Variants in ZNF112 observed in about 807,000 individuals in gnomAD.
The protein encoded by ZNF112 is zinc finger protein 112.
A neutral mutation model predicts 77.7 loss-of-function variants in ZNF112; 37 were observed. The ratio of observed to expected loss-of-function variants is 0.48; its 90% CI spans 0.37 to 0.63. The LOEUF (loss-of-function observed/expected upper bound fraction) is 0.63, where lower values mean the gene tolerates loss of function less well. Among genes scored for constraint, ZNF112 ranks in the 20% least tolerant of loss-of-function variants. The pLI is 0.00. For synonymous variants in ZNF112, 333 were observed against 363.6 expected, an observed-to-expected ratio of 0.92 and a Z score of 0.96; for missense variants, 950 against 1,077.4, an observed-to-expected ratio of 0.88 and a Z score of 1.66.
In ZNF112 at chr19:44,328,005, C is replaced by A; in HGVS notation, c.2152G>T (p.Glu718Ter). Reference protein sequence around the residue: ...VHSGERPYICEVCGKGFSQRA... With the variant: ...VHSGERPYIC ...TGACTGAAGCCCTTTCCACATACCT[C>A]ACATATATATGGTCTTTCTCCAGAA... The change falls in exon 4 of 4, where the codon GAG becomes TAG. Residue 718 changes from glutamate to a stop codon, truncating the protein, a stop_gained. Coordinates refer to ENST00000354340, the MANE Select transcript of ZNF112 (RefSeq NM_013380.4). LOFTEE classifies it high-confidence loss of function. The A allele has an allele frequency of 6.2e-7, 1 of 1,613,948 alleles. No homozygotes were observed. Among genetic ancestry groups the A allele is most frequent in the Non-Finnish European group, 8.5e-7 (1 of 1,179,974 alleles).
intron 1 of ZNF112, among the ~76,000 whole-genome samples, chr19:44,342,834 AAAAAG>A (rs899573833): frequency 6.3e-4 from 96 of 151,886 alleles, no homozygotes; most frequent in African/African-American, 2.2e-3. Context: ...AAAGAAAAAG[AAAAAG>A]AAAAGGGGGA....
chr19:44,338,401 A>C (rs1970427993), intron 2 of ZNF112, among the ~76,000 whole-genome samples: 1 of 152,212 alleles, frequency 6.6e-6, no homozygotes, highest in Non-Finnish European at 1.5e-5. Context: ...CCCGATGATT[A>C]CAAATGGGGA....
intron 1 of ZNF112, among the ~76,000 whole-genome samples, chr19:44,347,900 T>C (rs1599931470): frequency 1.3e-5 from 2 of 152,290 alleles, no homozygotes; most frequent in East Asian, 1.9e-4. Context: ...AAGAACTTCC[T>C]TTAGTGCTCC....
chr19:44,328,841 G>A lies in ZNF112; in HGVS notation c.1316C>T (p.Ser439Phe). The change falls in exon 4 of 4, where the codon TCT becomes TTT. Residue 439 changes from serine (S) to phenylalanine (F), a missense_variant. Ser to Phe is a radical substitution (Grantham distance 155). Coordinates refer to ENST00000354340, the MANE Select transcript of ZNF112 (RefSeq NM_013380.4). ...ACTGAAGCCATTACCACACTCCTCAGAATTATATGAATTCTCTTCCATATG... is the reference window on the plus strand; with the variant it reads ...ACTGAAGCCATTACCACACTCCTCAAAATTATATGAATTCTCTTCCATATG... ...RVHMEENSYN[S>F]EECGNGFSLA... 6.2e-7 allele frequency: 1 copy of A among 1,613,962 alleles called. No individual in the cohort carries two copies. Among genetic ancestry groups the A allele is most frequent in the Non-Finnish European group, 8.5e-7 (1 of 1,179,936 alleles).
At chr19:44,330,375 C>A (rs1219195080) in intron 3 of ZNF112, among the ~76,000 whole-genome samples, 5 of 152,174 alleles carry the variant, frequency 3.3e-5, no homozygotes, top group African/African-American at 1.2e-4. Context: ...TCTGATGCCT[C>A]AAAATCAGGA....
chr19:44,329,446 T>C lies in ZNF112; in HGVS notation c.711A>G (p.Val237=), dbSNP rs1970221875. The part of the protein sequence containing the change: ...CHDCGEDIMK[V]SLLNQESIQT... ...GAATTGACTCCTGATTAAGTAATGA[T>C]ACCTTCATGATATCTTCTCCACAGT... The change falls in exon 4 of 4, where the codon GTA becomes GTG. Residue 237 remains valine (V), a synonymous_variant. Transcript: ENST00000354340. The C allele has an allele frequency of 1.9e-6, 3 of 1,614,090 alleles. No individual in the cohort carries two copies. Among genetic ancestry groups the C allele is most frequent in the South Asian group, 1.1e-5 (1 of 91,082 alleles).
At chr19:44,363,758 T>G (rs1275600585) in intron 1 of ZNF112, among the ~76,000 whole-genome samples, 1 of 152,256 alleles carries the variant, frequency 6.6e-6, no homozygotes, top group African/African-American at 2.4e-5. Flanking sequence ...TGTGCTTTCT[T>G]TTCTCTGGAA....
intron 1 of ZNF112, among the ~76,000 whole-genome samples, chr19:44,347,366 C>A (rs1970609657): frequency 6.6e-6 from 1 of 151,908 alleles, no homozygotes; most frequent in South Asian, 2.1e-4. Flanking sequence ...AGGCCATTAG[C>A]ATTTCCTATA....
chr19:44,351,055 C>A (rs1311862947), intron 1 of ZNF112, among the ~76,000 whole-genome samples: 1 of 151,928 alleles, frequency 6.6e-6, no homozygotes. Flanking sequence ...GGGCTGGTTG[C>A]TTCTCATAGG....
intron 1 of ZNF112, among the ~76,000 whole-genome samples, chr19:44,353,421 C>T (rs529775079): frequency 6.6e-6 from 1 of 152,080 alleles, no homozygotes; most frequent in South Asian, 2.1e-4. Context: ...AAATTTTGTT[C>T]TGCAAAAGAC....
At chr19:44,357,737 C>T (rs1330537402), upstream of ZNF112, among the ~76,000 whole-genome samples, 1 of 152,126 alleles carries the variant, frequency 6.6e-6, no homozygotes, top group East Asian at 1.9e-4. Context: ...GGATAAGTCT[C>T]TTGTAAAACC....
chr19:44,347,233 C>A (rs991382474), intron 1 of ZNF112, among the ~76,000 whole-genome samples: 2 of 152,080 alleles, frequency 1.3e-5, no homozygotes, highest in African/African-American at 4.8e-5. Flanking sequence ...TAGTACAGCT[C>A]CTTTTCACTT....
chr19:44,343,447 T>C, intron 1 of ZNF112: 1 of 638,074 alleles, frequency 1.6e-6, no homozygotes, highest in South Asian at 2.1e-5. Flanking sequence ...GGTTGGATTC[T>C]AGCTACCACT....
In ZNF112 at chr19:44,327,826, T is replaced by C; in HGVS notation, c.2331A>G (p.Thr777=). Residue 777 remains threonine (T), a synonymous_variant, in exon 4 of 4, where the codon ACA becomes ACG. Transcript: ENST00000354340. ...GGKPYKCEVC[T]KGFSESSRLQ... ...GGCGTGAACTCTCACTGAAACCCTT[T>C]GTACACACCTCACATTTGTATGGTT... The C allele has an allele frequency of 6.2e-7, 1 of 1,613,968 alleles. No homozygotes were observed. Among genetic ancestry groups the C allele is most frequent in the South Asian group, 1.1e-5 (1 of 91,078 alleles).
chr19:44,352,140 T>C (rs1041814073), intron 1 of ZNF112, among the ~76,000 whole-genome samples: 1 of 152,042 alleles, frequency 6.6e-6, no homozygotes, highest in South Asian at 2.1e-4. Flanking sequence ...GATGGAACTG[T>C]TGTGAATCTT....
At chr19:44,343,156 G>A (rs1479032752) in intron 1 of ZNF112, 5 of 1,348,960 alleles carry the variant, frequency 3.7e-6, no homozygotes, top group Non-Finnish European at 5.1e-6. Context: ...AATGCCTGTT[G>A]TCATTCTTTA....
At chr19:44,366,368 C>T (rs569948195) in intron 1 of ZNF112, among the ~76,000 whole-genome samples, 1 of 151,916 alleles carries the variant, frequency 6.6e-6, no homozygotes, top group Admixed American at 6.6e-5. Context: ...ATCTTCTTTC[C>T]TCCTTCCCAC....
upstream of ZNF112, among the ~76,000 whole-genome samples, chr19:44,357,190 C>T (rs914789349): frequency 1.3e-5 from 2 of 152,176 alleles, no homozygotes; most frequent in Admixed American, 1.3e-4. Flanking sequence ...TGCCTTCCCC[C>T]TAGAGTTTGA....
chr19:44,350,385 T>C (rs1300959323), intron 1 of ZNF112, among the ~76,000 whole-genome samples: 1 of 152,050 alleles, frequency 6.6e-6, no homozygotes, highest in East Asian at 1.9e-4. Context: ...AATGAAGTTT[T>C]ATTGTGATTT....
Sources: allele counts gnomAD v4.1 joint callset (sites outside exome capture counted in the v4.1 genomes callset), GRCh38; gene constraint gnomAD v4.1.1; transcripts MANE v1.5; gene names NCBI Gene and HGNC (gene_info 2026-07-23, HGNC 2026-07-21).